Variants in HEATR1 observed in about 807,000 individuals in gnomAD.
HEATR1 encodes HEAT repeat-containing protein 1.
In HEATR1, 77 loss-of-function variants were observed where a neutral mutation model predicts 248.2. That is an observed-to-expected ratio of 0.31 (90% CI 0.26 to 0.37). The LOEUF is 0.37. Ranked by LOEUF, HEATR1 falls within the 10% of genes least tolerant of loss-of-function variation. The probability of loss-of-function intolerance (pLI) is 1.00; values close to 1 mark genes in which losing one functional copy is unlikely to be tolerated. For missense variants in HEATR1, 2,420 were observed against 2,504.9 expected, an observed-to-expected ratio of 0.97 and a Z score of 0.72; for synonymous variants, 897 against 923.1, an observed-to-expected ratio of 0.97 and a Z score of 0.51.
chr1:236,564,901 G>A (rs1004396163), intron 31 of HEATR1, among the ~76,000 whole-genome samples: 2 of 152,126 alleles, frequency 1.3e-5, no homozygotes, highest in Non-Finnish European at 2.9e-5. Flanking sequence ...AACAAAACAG[G>A]GAAACTGGAC....
intron 24 of HEATR1, among the ~76,000 whole-genome samples, chr1:236,573,541 T>A (rs539256462): frequency 0.019 from 2,926 of 152,228 alleles, 41 homozygotes; most frequent in Non-Finnish European, 0.03. Context: ...GAATTATTTT[T>A]TTTTTTACTT....
At chr1:236,552,303 C>T in intron 43 of HEATR1, 196 bp from the exon 44 acceptor site, 1 of 408,878 alleles carries the variant, frequency 2.4e-6, no homozygotes, top group Middle Eastern at 6.4e-4. Flanking sequence ...ATATGTGCAA[C>T]CTTATAAATA....
At chr1:236,582,655 G>A (rs541332913) in intron 19 of HEATR1, 81 bp downstream of exon 19, 15 of 1,449,308 alleles carry the variant, frequency 1.0e-5, no homozygotes, top group Middle Eastern at 3.6e-4. Context: ...CGCCTGCCTC[G>A]GCCTCCCAAA....
At position 236,594,032 on chromosome 1, in the gene HEATR1, G is replaced by A. The variant is rs768407748; in HGVS notation, c.1173C>T (p.Asn391=). 1.3e-6 allele frequency: 2 copies of A among 1,595,432 alleles called. No individual in the cohort carries two copies. Among genetic ancestry groups the A allele is most frequent in the South Asian group, 1.2e-5 (1 of 86,444 alleles). ...AILTKISLKN[N]LDHLLASLLF... ...CTTACCTAGCCAACAAATGGTCTAAGTTGTTCTTCAGTGATATTTTTGTAA... is the reference window on the plus strand; with the variant it reads ...CTTACCTAGCCAACAAATGGTCTAAATTGTTCTTCAGTGATATTTTTGTAA... Residue 391 remains asparagine (N), a synonymous_variant, in exon 9 of 45, where the codon AAC becomes AAT. Coordinates refer to ENST00000366582, the MANE Select transcript of HEATR1 (RefSeq NM_018072.6).
intron 32 of HEATR1, among the ~76,000 whole-genome samples, chr1:236,564,262 T>G (rs564853632): frequency 6.6e-6 from 1 of 152,222 alleles, no homozygotes; most frequent in African/African-American, 2.4e-5. Context: ...AAACTTCTGA[T>G]GGGTACACAA....
At chr1:236,558,648 C>G in intron 35 of HEATR1, 119 bp from the exon 36 acceptor site, 1 of 962,302 alleles carries the variant, frequency 1.0e-6, no homozygotes, top group Non-Finnish European at 1.5e-6. Flanking sequence ...TCCTGAGTCA[C>G]ACAGTCATGC....
intron 4 of HEATR1, 92 bp downstream of exon 4, chr1:236,599,391 T>G: frequency 1.0e-6 from 1 of 987,824 alleles, no homozygotes; most frequent in Admixed American, 2.9e-5. Flanking sequence ...TTATCTGGAC[T>G]ATCCCCAGGA....
Position 236,571,685 on chromosome 1 carries a change from A to T in HEATR1, c.3709T>A (p.Cys1237Ser), listed in dbSNP as rs866586055. ...TGCTCTTGTGGCAAGGGTTCTAAAC[A>T]TCTTCAGGACACCCAAAAGAGAAAT... is the stretch of plus-strand genomic sequence containing the variant. ...VPTLFNLLSR[C>S]LEPLPQEQGN... The change falls in exon 27 of 45, where the codon TGT becomes AGT. Residue 1237 changes from cysteine to serine, a missense_variant and splice_region_variant. By Grantham distance (112) the Cys-to-Ser change is moderately radical. Coordinates refer to ENST00000366582, the MANE Select transcript of HEATR1 (RefSeq NM_018072.6). 5.6e-6 allele frequency: 9 copies of T among 1,598,572 alleles called. No homozygotes were observed. In the Middle Eastern group the frequency reaches 1.3e-3, roughly 235 times the overall value.
At chr1:236,570,151 T>C (rs915932440) in intron 28 of HEATR1, among the ~76,000 whole-genome samples, 4 of 151,888 alleles carry the variant, frequency 2.6e-5, no homozygotes, top group African/African-American at 9.7e-5. Context: ...TAGCCGGGCG[T>C]GGTGGCGGGT....
intron 28 of HEATR1, among the ~76,000 whole-genome samples, chr1:236,570,245 C>G (rs189792361): frequency 6.6e-6 from 1 of 152,124 alleles, no homozygotes; most frequent in Non-Finnish European, 1.5e-5. Flanking sequence ...GCTGAGATCG[C>G]GCCACTGCAC....
intron 21 of HEATR1, 124 bp from the exon 22 acceptor site, chr1:236,576,501 A>C (rs1174564513): frequency 3.8e-6 from 3 of 794,210 alleles, no homozygotes; most frequent in Non-Finnish European, 5.7e-6. Flanking sequence ...ATTTCTCCTT[A>C]AAACCTTAAT....
At chr1:236,591,829 C>T (rs536378805) in intron 11 of HEATR1, among the ~76,000 whole-genome samples, 164 bp downstream of exon 11, 1 of 152,270 alleles carries the variant, frequency 6.6e-6, no homozygotes, top group African/African-American at 2.4e-5. Context: ...TTATTCTATT[C>T]CTGCCTCAGA....
At chr1:236,599,689 C>T in intron 3 of HEATR1, 65 bp from the exon 4 acceptor site, 1 of 1,396,666 alleles carries the variant, frequency 7.2e-7, no homozygotes, top group African/African-American at 1.4e-5. Context: ...TATTTCCTCA[C>T]ATGCCCAAAC....
Position 236,595,542 on chromosome 1 carries a change from G to A in HEATR1, c.1088C>T (p.Thr363Ile), listed in dbSNP as rs774231133. ...HLVVSIIHHV[T>I]GEETEGMDGQ... ...ACAAAAAATATAAAACCACACACCTGTAACATGATGAATGATGGAGACGAC... is the reference window on the plus strand; with the variant it reads ...ACAAAAAATATAAAACCACACACCTATAACATGATGAATGATGGAGACGAC... Residue 363 changes from threonine to isoleucine, a missense_variant and splice_region_variant, in exon 8 of 45, where the codon ACA becomes ATA. Coordinates refer to ENST00000366582, the MANE Select transcript of HEATR1 (RefSeq NM_018072.6). 4.3e-6 allele frequency: 7 copies of A among 1,610,574 alleles called. No individual in the cohort carries two copies. Among genetic ancestry groups the A allele is most frequent in the Admixed American group, 3.4e-5 (2 of 59,590 alleles).
intron 31 of HEATR1, 21 bp downstream of exon 31, chr1:236,565,898 T>C (rs751291178): frequency 6.2e-7 from 1 of 1,606,816 alleles, no homozygotes; most frequent in African/African-American, 1.3e-5. Context: ...GAACAGTAAG[T>C]GACACCCGAT....
At chr1:236,583,531 G>A (rs182055464) in intron 17 of HEATR1, among the ~76,000 whole-genome samples, 1 of 142,614 alleles carries the variant, frequency 7.0e-6, no homozygotes, top group East Asian at 2.0e-4. Flanking sequence ...CTGTCACCCA[G>A]GCTGGAGTGC....
rs1167823062 is a variant in HEATR1 at position 236,603,346 on chromosome 1, A to G, written c.173T>C (p.Ile58Thr). The G allele has an allele frequency of 6.2e-7, 1 of 1,614,126 alleles. No individual in the cohort carries two copies. Among genetic ancestry groups the G allele is most frequent in the Admixed American group, 1.7e-5 (1 of 60,024 alleles). The change falls in exon 3 of 45, where the codon ATT (isoleucine) becomes ACT (threonine). Residue 58 changes from isoleucine to threonine, a missense_variant. Ile to Thr is a moderately conservative substitution (Grantham distance 89). Coordinates refer to ENST00000366582, the MANE Select transcript of HEATR1 (RefSeq NM_018072.6). ...GCTGLEELLG[I>T]DPSFEQFEAP... The stretch of plus-strand genomic sequence containing the variant: ...TTCAAACTGCTCAAAGGAAGGATCA[A>G]TTCCAAGCAACTCTTCCAGGCCAGT...
rs1662913812 is a variant in HEATR1, at chr1:236,554,893, G to C, written c.5924-141C>G. 12 of 698,672 alleles carry C rather than the reference G, an allele frequency of 1.7e-5. No homozygotes were observed. In the South Asian group the frequency reaches 2.5e-4, roughly 15 times the overall value. The allele number at this position is 698,672 out of a possible 1,614,324, so 43.3% of individuals were successfully genotyped here. ...AGAAATCATAATCAGGACGAAGGCA[G>C]AACACAATGGATGGTCTCTCGAAGA... On this transcript the variant is annotated intron_variant, in intron 41 of 44. Coordinates refer to ENST00000366582, the MANE Select transcript of HEATR1 (RefSeq NM_018072.6).
At position 236,565,837 on chromosome 1, in the gene HEATR1, T is replaced by C. The variant is rs961291200; in HGVS notation, c.4435+82A>G. 9.5e-6 allele frequency: 12 copies of C among 1,266,554 alleles called. 1 individual carries two copies. Among genetic ancestry groups the C allele is most frequent in the Non-Finnish European group, 1.3e-5 (12 of 914,708 alleles). The allele number at this position is 1,266,554 out of a possible 1,614,324, so 78.5% of individuals were successfully genotyped here. On this transcript the variant is annotated intron_variant, in intron 31 of 44. Coordinates refer to ENST00000366582, the MANE Select transcript of HEATR1 (RefSeq NM_018072.6). The stretch of plus-strand genomic sequence containing the variant: ...CTTACTTTAAAAATCCTTCTGAAGA[T>C]GTACTAAGGATAACCTGCATTCTCT...
Sources: allele counts gnomAD v4.1 joint callset (sites outside exome capture counted in the v4.1 genomes callset), GRCh38; gene constraint gnomAD v4.1.1; transcripts MANE v1.5; gene names NCBI Gene and HGNC (gene_info 2026-07-23, HGNC 2026-07-21).